SLC14A2: variants seen among roughly 807,000 people sequenced by gnomAD.
SLC14A2 encodes the protein solute carrier family 14 member 2.
Under a neutral mutation model 104.6 loss-of-function variants are expected in SLC14A2, and 91 were observed. The observed-to-expected ratio is 0.87, with a 90% CI of 0.73 to 1.04. The LOEUF is 1.04. Ranked by LOEUF, SLC14A2 falls within the 50% of genes least tolerant of loss-of-function variation. The pLI is 0.00. For missense variants in SLC14A2, 1,189 were observed against 1,156.0 expected (o/e 1.03, Z -0.41); for synonymous variants, 476 against 466.4 (o/e 1.02, Z -0.27).
At chr18:45,474,381 G>T (rs914718137) in intron 1 of SLC14A2, among the ~76,000 whole-genome samples, 4 of 152,164 alleles carry the variant, frequency 2.6e-5, no homozygotes, top group Non-Finnish European at 4.4e-5. Flanking sequence ...TCAGGATGAT[G>T]TTGGCCCAGT....
chr18:45,210,910 T>C (rs915755552), upstream of SLC14A2, among the ~76,000 whole-genome samples: 2 of 152,180 alleles, frequency 1.3e-5, no homozygotes, highest in South Asian at 2.1e-4. Flanking sequence ...TTTTTCTCAG[T>C]ACAACTTCAA....
intron 1 of SLC14A2, among the ~76,000 whole-genome samples, chr18:45,420,589 T>C (rs572928952): frequency 3.7e-4 from 56 of 152,198 alleles, no homozygotes; most frequent in African/African-American, 1.3e-3. Context: ...CATGCTGAGG[T>C]TGAGTGGTAA....
At chr18:45,594,480 T>C (rs567836859) in intron 2 of SLC14A2, among the ~76,000 whole-genome samples, 35 of 152,282 alleles carry the variant, frequency 2.3e-4, no homozygotes, top group African/African-American at 5.5e-4. Flanking sequence ...TGATCTTCAT[T>C]TGACTGTTAG....
At chr18:45,406,568 T>C (rs887682733) in intron 1 of SLC14A2, among the ~76,000 whole-genome samples, 1 of 152,230 alleles carries the variant, frequency 6.6e-6, no homozygotes, top group African/African-American at 2.4e-5. Flanking sequence ...GGTTTTTTTT[T>C]ACTTTGCCCA....
At chr18:45,208,313 T>G (rs903058948), upstream of SLC14A2, among the ~76,000 whole-genome samples, 12 of 152,196 alleles carry the variant, frequency 7.9e-5, no homozygotes, top group Admixed American at 6.5e-4. Context: ...ATAATAAAGC[T>G]TTGTCGTGAT....
chr18:45,268,964 T>TTGTGTGTGTGTGTG (rs3050837), intron 1 of SLC14A2, among the ~76,000 whole-genome samples: 5,500 of 143,466 alleles, frequency 0.038, 122 homozygotes, highest in African/African-American at 0.045. Context: ...GTTGGTGTGT[T>TTGTGTGTGTGTGTG]TGTGTGTGTG....
At chr18:45,201,939 C>T in the SLC14A2 span, among the ~76,000 whole-genome samples, 1 of 152,100 alleles carries the variant, frequency 6.6e-6, no homozygotes, top group Non-Finnish European at 1.5e-5. Context: ...CCTTAATTGG[C>T]AATTCAGACC....
At position 45,624,680 on chromosome 18, in the gene SLC14A2, A is replaced by C. The variant is rs1197146113; in HGVS notation, c.16A>C (p.Ser6Arg). 2.5e-6 allele frequency: 4 copies of C among 1,612,390 alleles called. No individual in the cohort carries two copies. The highest frequency in any genetic ancestry group is 3.4e-6 in the Non-Finnish European group (4 of 1,179,254). MSDPHSSPLLPEPLSS... is the reference protein window; with the variant it reads MSDPHRSPLLPEPLSS... Reference sequence around the variant, plus strand: ...ACCCGAAGGAATGTCTGACCCCCACAGCAGTCCTCTCCTGCCAGAGCCACT... The same window carrying C: ...ACCCGAAGGAATGTCTGACCCCCACCGCAGTCCTCTCCTGCCAGAGCCACT... Residue 6 changes from serine (S) to arginine (R), a missense_variant, in exon 2 of 20, where the codon AGC (serine) becomes CGC (arginine). Transcript: ENST00000255226.
At chr18:45,678,911 G>C in intron 18 of SLC14A2, 64 bp from the exon 19 acceptor site, 1 of 1,403,268 alleles carries the variant, frequency 7.1e-7, no homozygotes, top group Non-Finnish European at 9.8e-7. Context: ...AATATGTAGA[G>C]CAATCTTGAG....
At chr18:45,480,688 T>TC (rs1369725520) in intron 1 of SLC14A2, among the ~76,000 whole-genome samples, 6 of 151,896 alleles carry the variant, frequency 4.0e-5, no homozygotes, top group Non-Finnish European at 7.4e-5. Flanking sequence ...ACTGCCACCT[T>TC]CCCCCTCCCC....
chr18:45,212,094 A>G (rs2143967888), upstream of SLC14A2, among the ~76,000 whole-genome samples: 1 of 152,310 alleles, frequency 6.6e-6, no homozygotes, highest in South Asian at 2.1e-4. Context: ...GGGTTATTTA[A>G]TAATTATCCT....
chr18:45,588,954 T>TTTTG (rs1229419002), intron 2 of SLC14A2, among the ~76,000 whole-genome samples: 1 of 114,816 alleles, frequency 8.7e-6, no homozygotes, highest in African/African-American at 3.4e-5. Context: ...GGTTGTCTTT[T>TTTTG]TTTGTTTGGG....
chr18:45,505,229 T>TCACCAC (rs944660339), intron 2 of SLC14A2, among the ~76,000 whole-genome samples: 3 of 151,964 alleles, frequency 2.0e-5, no homozygotes, highest in Non-Finnish European at 2.9e-5. Context: ...CTTACATGCC[T>TCACCAC]CACCACCACC....
chr18:45,178,111 G>A, the SLC14A2 span, among the ~76,000 whole-genome samples: 3 of 152,098 alleles, frequency 2.0e-5, no homozygotes, highest in Non-Finnish European at 4.4e-5. Flanking sequence ...TCAGAAGATT[G>A]GGCTCCATGT....
chr18:45,645,815 C>A (rs897455919), intron 10 of SLC14A2, among the ~76,000 whole-genome samples: 1 of 151,936 alleles, frequency 6.6e-6, no homozygotes, highest in African/African-American at 2.4e-5. Context: ...CTTTATTAAA[C>A]AAGCAGTGAG....
intron 16 of SLC14A2, among the ~76,000 whole-genome samples, chr18:45,672,481 A>G (rs992393855): frequency 9.2e-5 from 14 of 151,852 alleles, no homozygotes; most frequent in Non-Finnish European, 7.4e-5. Flanking sequence ...GTGAGCCAAG[A>G]TCACGCCATT....
intron 2 of SLC14A2, among the ~76,000 whole-genome samples, chr18:45,492,799 G>T (rs997607363): frequency 2.0e-5 from 3 of 152,054 alleles, no homozygotes; most frequent in African/African-American, 7.2e-5. Context: ...TTGCTTTCCT[G>T]TCCATGCAAA....
chr18:45,665,578 G>T (rs1355199699), intron 11 of SLC14A2, among the ~76,000 whole-genome samples: 2 of 151,890 alleles, frequency 1.3e-5, no homozygotes, highest in Non-Finnish European at 1.5e-5. Context: ...AGGTCATCCA[G>T]GTGAGGAGAG....
At position 45,624,694 on chromosome 18, in the gene SLC14A2, G is replaced by C. The variant is rs1474916096; in HGVS notation, c.30G>C (p.Leu10=). 6.2e-7 allele frequency: 1 copy of C among 1,613,004 alleles called. No homozygotes were observed. The highest frequency in any genetic ancestry group is 8.5e-7 in the Non-Finnish European group (1 of 1,179,546). The part of the protein sequence containing the change: MSDPHSSPL[L]PEPLSSRYKL... ...CTGACCCCCACAGCAGTCCTCTCCT[G>C]CCAGAGCCACTTTCCAGCAGATACA... The change falls in exon 2 of 20, where the codon CTG becomes CTC. Residue 10 remains leucine, a synonymous_variant. Coordinates refer to ENST00000255226, the MANE Select transcript of SLC14A2 (RefSeq NM_007163.4).
Sources: gnomAD v4.1 joint callset for allele counts (sites outside exome capture counted in the v4.1 genomes callset) on GRCh38, gnomAD v4.1.1 for gene constraint, MANE v1.5 for transcripts, NCBI Gene and HGNC (gene_info 2026-07-23, HGNC 2026-07-21) for gene names.